SLC36A1: variants seen among roughly 807,000 people sequenced by gnomAD.
SLC36A1 encodes the protein solute carrier family 36 member 1.
In SLC36A1, 30 loss-of-function variants were observed where a neutral mutation model predicts 47.5. That is an observed-to-expected ratio of 0.63 (90% CI 0.47 to 0.86). The LOEUF (loss-of-function observed/expected upper bound fraction) is 0.86, where lower values mean the gene tolerates loss of function less well. SLC36A1 is among the 40% of genes least tolerant of loss of function. SLC36A1 has a pLI of 0.00. For missense variants in SLC36A1, 517 were observed against 606.0 expected (o/e 0.85, Z 1.54); for synonymous variants, 255 against 249.7 (o/e 1.02, Z -0.20).
chr5:151,430,986 G>T, the SLC36A1 span, among the ~76,000 whole-genome samples: 607 of 152,268 alleles, frequency 4.0e-3, 1 homozygote, highest in Non-Finnish European at 6.5e-3. Context: ...GAGATCCTTA[G>T]CTGCAGGGAC....
chr5:151,383,967 C>T, the SLC36A1 span, among the ~76,000 whole-genome samples: 1 of 152,002 alleles, frequency 6.6e-6, no homozygotes, highest in East Asian at 1.9e-4. Flanking sequence ...GAAACAAGTC[C>T]ATTGTAAAAC....
the SLC36A1 span, among the ~76,000 whole-genome samples, chr5:151,407,214 T>A: frequency 6.6e-6 from 1 of 152,228 alleles, no homozygotes; most frequent in Admixed American, 6.5e-5. Context: ...GGGACCCGAA[T>A]GGGTTGCTGC....
chr5:151,468,689 T>TG (rs1032150929), intron 7 of SLC36A1, among the ~76,000 whole-genome samples: 7 of 151,766 alleles, frequency 4.6e-5, no homozygotes, highest in African/African-American at 1.7e-4. Context: ...CAAACCTTCC[T>TG]GGGGGGCAAA....
chr5:151,527,391 T>G, the SLC36A1 span: 10 of 1,586,358 alleles, frequency 6.3e-6, no homozygotes, highest in Middle Eastern at 3.4e-4. Context: ...TTGCAAAATG[T>G]CCAGTGGAGG....
chr5:151,535,752 T>C, the SLC36A1 span, among the ~76,000 whole-genome samples: 1 of 152,128 alleles, frequency 6.6e-6, no homozygotes. Flanking sequence ...GGGTAGAGTC[T>C]TGTGGACAGA....
chr5:151,382,997 C>T, the SLC36A1 span, among the ~76,000 whole-genome samples: 1 of 152,192 alleles, frequency 6.6e-6, no homozygotes, highest in Non-Finnish European at 1.5e-5. Context: ...ATCTCCTGAC[C>T]TCGTGATCCA....
At chr5:151,423,852 A>T in the SLC36A1 span, among the ~76,000 whole-genome samples, 1 of 152,188 alleles carries the variant, frequency 6.6e-6, no homozygotes, top group African/African-American at 2.4e-5. Flanking sequence ...GTGGTAGTGG[A>T]TGTTGATAAT....
At chr5:151,473,631 C>A (rs778496389) in intron 7 of SLC36A1, 42 bp from the exon 8 acceptor site, 67 of 1,211,568 alleles carry the variant, frequency 5.5e-5, no homozygotes, top group Non-Finnish European at 7.7e-5. Context: ...TTCTGTATAG[C>A]CTTTTGCTTT....
the SLC36A1 span, among the ~76,000 whole-genome samples, chr5:151,503,489 A>G: frequency 6.7e-6 from 1 of 150,208 alleles, no homozygotes; most frequent in East Asian, 1.9e-4. Context: ...CCTCAGAGCC[A>G]CTGCCTGCGT....
intron 1 of SLC36A1, among the ~76,000 whole-genome samples, chr5:151,442,279 C>T (rs1752673061): frequency 1.3e-5 from 2 of 152,056 alleles, no homozygotes; most frequent in Non-Finnish European, 2.9e-5. Context: ...CACATAGCTA[C>T]CCATTATTTG....
At chr5:151,415,058 C>T in the SLC36A1 span, among the ~76,000 whole-genome samples, 2 of 152,152 alleles carry the variant, frequency 1.3e-5, no homozygotes, top group Admixed American at 6.5e-5. Context: ...TTCCTATCAT[C>T]CACCACCCAA....
intron 1 of SLC36A1, 42 bp from the exon 2 acceptor site, chr5:151,458,746 C>G: frequency 6.3e-7 from 1 of 1,597,800 alleles, no homozygotes; most frequent in Non-Finnish European, 8.6e-7. Flanking sequence ...GAGCTAAAGG[C>G]TCCAGCTGCA....
chr5:151,352,224 GC>G, the SLC36A1 span, among the ~76,000 whole-genome samples: 2 of 151,940 alleles, frequency 1.3e-5, no homozygotes, highest in Non-Finnish European at 2.9e-5. Context: ...TCATACCCCT[GC>G]TTTTTTTCAT....
At chr5:151,352,063 C>T in the SLC36A1 span, among the ~76,000 whole-genome samples, 1 of 152,180 alleles carries the variant, frequency 6.6e-6, no homozygotes, top group Non-Finnish European at 1.5e-5. Context: ...CCTTTCCCTC[C>T]TTGGATACTG....
intron 1 of SLC36A1, among the ~76,000 whole-genome samples, chr5:151,451,653 TTCC>T (rs1346826306): frequency 1.3e-5 from 2 of 152,230 alleles, no homozygotes; most frequent in African/African-American, 4.8e-5. Context: ...TATTTATTTT[TTCC>T]TCCTATCTTC....
At chr5:151,543,569 T>C in the SLC36A1 span, 202 of 1,614,064 alleles carry the variant, frequency 1.3e-4, no homozygotes, top group Non-Finnish European at 1.6e-4. Context: ...TTATTGATGA[T>C]AGTATAATCT....
the SLC36A1 span, among the ~76,000 whole-genome samples, chr5:151,417,208 AC>A: frequency 6.6e-6 from 1 of 152,220 alleles, no homozygotes; most frequent in East Asian, 1.9e-4. Context: ...TTATTTTGGA[AC>A]TGGATAATGG....
chr5:151,384,974 G>A, the SLC36A1 span, among the ~76,000 whole-genome samples: 2 of 133,618 alleles, frequency 1.5e-5, no homozygotes, highest in Non-Finnish European at 3.2e-5. Context: ...AGGTGTGTAT[G>A]TGTGTGTGTG....
At chr5:151,388,367 G>T in the SLC36A1 span, among the ~76,000 whole-genome samples, 75,072 of 151,614 alleles carry the variant, frequency 0.5, 20,627 homozygotes, top group African/African-American at 0.75. Context: ...CAGGCGTGTT[G>T]GCGCATGCCG....
Sources: allele counts gnomAD v4.1 joint callset (sites outside exome capture counted in the v4.1 genomes callset), GRCh38; gene constraint gnomAD v4.1.1; transcripts MANE v1.5; gene names NCBI Gene and HGNC (gene_info 2026-07-23, HGNC 2026-07-21).